NSUN6: variants seen among roughly 807,000 people sequenced by gnomAD.
NSUN6 encodes NOP2/Sun RNA methyltransferase 6.
NSUN6 carries 64 observed loss-of-function variants against 58.0 expected under a neutral mutation model. The ratio of observed to expected loss-of-function variants is 1.10; its 90% CI spans 0.90 to 1.36. The LOEUF (loss-of-function observed/expected upper bound fraction) is 1.36, where lower values mean the gene tolerates loss of function less well. Ranked by LOEUF, NSUN6 falls within the 40% of genes most tolerant of loss-of-function variation. The probability of loss-of-function intolerance (pLI) is 0.00; values close to 1 mark genes in which losing one functional copy is unlikely to be tolerated. For missense variants in NSUN6, 701 were observed against 550.1 expected (o/e 1.27, Z -2.74); for synonymous variants, 231 against 193.9 (o/e 1.19, Z -1.59).
chr10:18,558,002 G>T (rs1277116280), intron 8 of NSUN6, among the ~76,000 whole-genome samples: 1 of 150,468 alleles, frequency 6.6e-6, no homozygotes, highest in East Asian at 2.0e-4. Context: ...TGAATGGGAT[G>T]GACATGAATG....
At chr10:18,655,737 T>G (rs549032290), upstream of NSUN6, among the ~76,000 whole-genome samples, 1 of 149,474 alleles carries the variant, frequency 6.7e-6, no homozygotes, top group African/African-American at 2.5e-5. Flanking sequence ...AAAAACCTAC[T>G]ATAAATGGGT....
intron 3 of NSUN6, among the ~76,000 whole-genome samples, chr10:18,634,483 G>T (rs1179003091): frequency 6.6e-6 from 1 of 152,110 alleles, no homozygotes; most frequent in Non-Finnish European, 1.5e-5. Flanking sequence ...CGGGCCTGGT[G>T]GCTCACGCCT....
chr10:18,655,078 A>G (rs2059763412), upstream of NSUN6: 12 of 981,784 alleles, frequency 1.2e-5, 1 homozygote, highest in South Asian at 5.7e-4. Flanking sequence ...AATTAGCACT[A>G]TAATTTGCTT....
intron 10 of NSUN6, among the ~76,000 whole-genome samples, 188 bp downstream of exon 10, chr10:18,547,924 G>GA (rs1301063056): frequency 6.6e-6 from 1 of 152,144 alleles, no homozygotes; most frequent in South Asian, 2.1e-4. Flanking sequence ...ACAAAGATGA[G>GA]AAAAAACTTT....
chr10:18,600,959 T>TATACATAC lies in NSUN6; in HGVS notation c.658-4633_658-4632insGTATGTAT. Among the ~76,000 whole-genome samples the TATACATAC allele has an allele frequency of 1.4e-4, 9 of 64,956 alleles. No individual in the cohort carries two copies. In the East Asian group the frequency reaches 3.5e-3, roughly 25 times the overall value. The allele number at this position is 64,956 out of a possible 152,430, so 42.6% of individuals were successfully genotyped here. On this transcript the variant is annotated intron_variant, in intron 6 of 10. Coordinates refer to ENST00000377304, the MANE Select transcript of NSUN6 (RefSeq NM_182543.5). ...AAAAAAAAATATATATATATATATA[T>TATACATAC]ACATATATATATATATATGTATATA...
At chr10:18,551,730 G>T in intron 9 of NSUN6, 93 bp downstream of exon 9, 1 of 1,063,322 alleles carries the variant, frequency 9.4e-7, no homozygotes, top group Non-Finnish European at 1.4e-6. Context: ...TTTGGCTATT[G>T]TAATGAACGC....
At chr10:18,637,224 A>G (rs569567758) in intron 3 of NSUN6, among the ~76,000 whole-genome samples, 3 of 152,110 alleles carry the variant, frequency 2.0e-5, no homozygotes, top group East Asian at 1.9e-4. Flanking sequence ...GGGCCTCCCA[A>G]AGTGCTGGGA....
At chr10:18,605,713 C>T (rs935639826) in intron 6 of NSUN6, among the ~76,000 whole-genome samples, 8 of 152,290 alleles carry the variant, frequency 5.3e-5, no homozygotes, top group Admixed American at 5.2e-4. Flanking sequence ...GAGGCTTACA[C>T]GTCAACTTTT....
At chr10:18,585,900 A>C (rs2057112942) in intron 8 of NSUN6, 49 bp downstream of exon 8, 1 of 1,418,930 alleles carries the variant, frequency 7.0e-7, no homozygotes, top group Admixed American at 2.1e-5. Context: ...ACTGTATGCC[A>C]CAAATATATG....
intron 8 of NSUN6, among the ~76,000 whole-genome samples, chr10:18,559,312 G>T (rs1295344594): frequency 2.0e-5 from 3 of 151,032 alleles, no homozygotes; most frequent in Admixed American, 6.6e-5. Context: ...GGAATGAAAT[G>T]GAATGGAGAA....
At position 18,562,385 on chromosome 10, in the gene NSUN6, G is replaced by A. The variant is rs563506544; in HGVS notation, c.923-10414C>T. ...ATAGCATGAAGAAGAATGGAGGATA[G>A]AATAGAAGGGAATGGAGAACGGAAT... On this transcript the variant is annotated intron_variant, in intron 8 of 10. Coordinates refer to ENST00000377304, the MANE Select transcript of NSUN6 (RefSeq NM_182543.5). Among the ~76,000 whole-genome samples the A allele has an allele frequency of 4.7e-5, 7 of 149,274 alleles. No homozygotes were observed. The South Asian group carries it at 1.3e-3, about 27-fold the overall frequency.
At chr10:18,549,851 C>T (rs2054496330) in intron 9 of NSUN6, among the ~76,000 whole-genome samples, 1 of 152,314 alleles carries the variant, frequency 6.6e-6, no homozygotes, top group East Asian at 1.9e-4. Flanking sequence ...GTGCCAGTTA[C>T]TGTGTGAAAC....
intron 8 of NSUN6, among the ~76,000 whole-genome samples, chr10:18,580,496 A>G (rs2056856358): frequency 6.6e-6 from 1 of 152,184 alleles, no homozygotes; most frequent in African/African-American, 2.4e-5. Context: ...TCCAGATAAG[A>G]GCCAGAGAAC....
chr10:18,658,181 T>C (rs1467135770), upstream of NSUN6: 1 of 152,226 alleles, frequency 6.6e-6, no homozygotes, highest in Non-Finnish European at 1.5e-5. Context: ...ATAGGGTCAG[T>C]ACATTCTTTT....
At chr10:18,590,003 C>A (rs182001674) in intron 7 of NSUN6, among the ~76,000 whole-genome samples, 2 of 151,954 alleles carry the variant, frequency 1.3e-5, no homozygotes, top group South Asian at 4.2e-4. Flanking sequence ...GTGCTGTATT[C>A]GGGAGACCCA....
upstream of NSUN6, chr10:18,652,851 G>A (rs926153564): frequency 1.1e-5 from 11 of 968,004 alleles, no homozygotes; most frequent in Middle Eastern, 5.2e-4. Flanking sequence ...GAGCCACCAC[G>A]CCCAGCCCAT....
chr10:18,645,493 G>C (rs1466048313), intron 2 of NSUN6, among the ~76,000 whole-genome samples: 1 of 152,096 alleles, frequency 6.6e-6, no homozygotes, highest in Non-Finnish European at 1.5e-5. Context: ...ACAATACGTA[G>C]CATCCGTGTC....
intron 8 of NSUN6, among the ~76,000 whole-genome samples, chr10:18,582,376 G>A (rs753750578): frequency 6.6e-5 from 10 of 152,158 alleles, no homozygotes; most frequent in Non-Finnish European, 1.2e-4. Context: ...TGAACAGAAG[G>A]TGTGGAATTT....
chr10:18,606,392 G>GCAA (rs368534358), intron 6 of NSUN6, among the ~76,000 whole-genome samples: 121,744 of 151,752 alleles, frequency 0.8, 48,967 homozygotes, highest in East Asian at 0.98. Context: ...AGGCAAGATA[G>GCAA]TTATCGCAGG....
Sources: gnomAD v4.1 joint callset for allele counts (sites outside exome capture counted in the v4.1 genomes callset) on GRCh38, gnomAD v4.1.1 for gene constraint, MANE v1.5 for transcripts, NCBI Gene and HGNC (gene_info 2026-07-23, HGNC 2026-07-21) for gene names.